The following ERBB4 variants were observed in gnomAD, a reference collection of about 807,000 sequenced individuals.
The protein encoded by ERBB4 is erb-b2 receptor tyrosine kinase 4, also known as receptor tyrosine-protein kinase erbB-4.
Under a neutral mutation model 158.0 loss-of-function variants are expected in ERBB4, and 42 were observed. That is an observed-to-expected ratio of 0.27 (90% CI 0.21 to 0.34). The LOEUF (loss-of-function observed/expected upper bound fraction) is 0.34, where lower values mean the gene tolerates loss of function less well. Ranked by LOEUF, ERBB4 falls within the 10% of genes least tolerant of loss-of-function variation. ERBB4 has a pLI of 1.00. For synonymous variants in ERBB4, 583 were observed against 558.7 expected, an observed-to-expected ratio of 1.04 and a Z score of -0.61; for missense variants, 1,333 against 1,624.1, an observed-to-expected ratio of 0.82 and a Z score of 3.08.
intron 2 of ERBB4, among the ~76,000 whole-genome samples, chr2:212,100,605 G>T (rs546954276): frequency 6.6e-6 from 1 of 152,050 alleles, no homozygotes; most frequent in African/African-American, 2.4e-5. Flanking sequence ...TAAGGTACAG[G>T]ATACAAAAAT....
At chr2:212,052,600 T>C (rs937142625) in intron 2 of ERBB4, among the ~76,000 whole-genome samples, 7 of 152,196 alleles carry the variant, frequency 4.6e-5, no homozygotes, top group African/African-American at 1.7e-4. Flanking sequence ...AGTTGTCCAA[T>C]AGAAATGATG....
chr2:211,661,430 T>C (rs968188189), intron 15 of ERBB4, among the ~76,000 whole-genome samples: 25 of 152,128 alleles, frequency 1.6e-4, no homozygotes, highest in Non-Finnish European at 2.8e-4. Flanking sequence ...GGAATACTTA[T>C]AGAAAATTAG....
chr2:211,474,908 T>G (rs1574561783), intron 20 of ERBB4, among the ~76,000 whole-genome samples: 1 of 151,802 alleles, frequency 6.6e-6, no homozygotes, highest in Non-Finnish European at 1.5e-5. Flanking sequence ...AGTAGAAACA[T>G]GGAGTGCAAA....
At chr2:211,559,866 A>C (rs1180172583) in intron 20 of ERBB4, among the ~76,000 whole-genome samples, 1 of 152,240 alleles carries the variant, frequency 6.6e-6, no homozygotes, top group Non-Finnish European at 1.5e-5. Context: ...ACAGAGAGAT[A>C]GTAAAAGTAT....
At chr2:211,641,112 T>G (rs571585392) in intron 16 of ERBB4, among the ~76,000 whole-genome samples, 2 of 152,154 alleles carry the variant, frequency 1.3e-5, no homozygotes, top group Non-Finnish European at 2.9e-5. Context: ...GTTGATTTTA[T>G]TAATAGCTTC....
intron 20 of ERBB4, among the ~76,000 whole-genome samples, chr2:211,540,906 T>C (rs2066790533): frequency 1.3e-5 from 2 of 151,970 alleles, no homozygotes; most frequent in African/African-American, 4.8e-5. Flanking sequence ...AGAGTTAACT[T>C]CCTATGGTAT....
chr2:212,468,213 G>A (rs986557511), intron 1 of ERBB4, among the ~76,000 whole-genome samples: 1 of 152,150 alleles, frequency 6.6e-6, no homozygotes, highest in East Asian at 1.9e-4. Flanking sequence ...AGGCTGAAAC[G>A]AGTTAAGGCT....
At chr2:212,104,197 T>C (rs2079160853) in intron 2 of ERBB4, among the ~76,000 whole-genome samples, 1 of 152,028 alleles carries the variant, frequency 6.6e-6, no homozygotes, top group South Asian at 2.1e-4. Flanking sequence ...ATTTGATTGA[T>C]TTCCCATTGC....
At chr2:211,868,806 ATCTC>A (rs780265191) in intron 3 of ERBB4, among the ~76,000 whole-genome samples, 106 of 152,226 alleles carry the variant, frequency 7.0e-4, no homozygotes, top group Non-Finnish European at 1.5e-3. Context: ...TTCTCACTGG[ATCTC>A]TCAATATTTT....
chr2:212,184,881 T>C (rs976123944), intron 1 of ERBB4, among the ~76,000 whole-genome samples: 1 of 152,078 alleles, frequency 6.6e-6, no homozygotes, highest in African/African-American at 2.4e-5. Context: ...GTCTCCTGGC[T>C]TCTTTGCAAG....
chr2:212,309,526 G>A (rs2086943181), intron 1 of ERBB4, among the ~76,000 whole-genome samples: 1 of 150,800 alleles, frequency 6.6e-6, no homozygotes, highest in African/African-American at 2.4e-5. Context: ...TTTATAAAAA[G>A]TATCTAGCAG....
intron 3 of ERBB4, among the ~76,000 whole-genome samples, chr2:211,815,270 T>C (rs1166912913): frequency 6.6e-6 from 1 of 152,166 alleles, no homozygotes; most frequent in Non-Finnish European, 1.5e-5. Context: ...TAGTAAATTA[T>C]AAAAACATAA....
rs556123027 is a variant in ERBB4 at position 212,078,826 on chromosome 2, T to G, written c.234+45926A>C. On this transcript the variant is annotated intron_variant, in intron 2 of 27. Coordinates refer to ENST00000342788, the MANE Select transcript of ERBB4 (RefSeq NM_005235.3). Reference sequence around the variant, plus strand: ...AGTAATTAATACTATTAATTACTAATAGTTTATAACACTAATTATTACTAG... The same window carrying G: ...AGTAATTAATACTATTAATTACTAAGAGTTTATAACACTAATTATTACTAG... Among the ~76,000 whole-genome samples the G allele has an allele frequency of 2.0e-5, 3 of 151,330 alleles. No individual in the cohort carries two copies. In the East Asian group the frequency reaches 5.8e-4, roughly 29 times the overall value.
intron 1 of ERBB4, among the ~76,000 whole-genome samples, chr2:212,437,668 T>C (rs1220229117): frequency 6.6e-6 from 1 of 152,088 alleles, no homozygotes; most frequent in Non-Finnish European, 1.5e-5. Flanking sequence ...AGGAACTCCA[T>C]AATTGGGTTA....
chr2:211,772,957 T>A (rs57818454), intron 4 of ERBB4, among the ~76,000 whole-genome samples: 1,187 of 113,552 alleles, frequency 0.01, 53 homozygotes, highest in African/African-American at 0.026. Flanking sequence ...ATATATATAT[T>A]TTTTTTTTTA....
At chr2:211,757,832 T>G (rs1453842713) in intron 4 of ERBB4, among the ~76,000 whole-genome samples, 2 of 152,154 alleles carry the variant, frequency 1.3e-5, no homozygotes, top group East Asian at 1.9e-4. Context: ...AGATCAATTA[T>G]GAGGGGACAT....
chr2:211,919,703 A>G (rs2079804680), intron 3 of ERBB4, among the ~76,000 whole-genome samples: 1 of 151,984 alleles, frequency 6.6e-6, no homozygotes, highest in Non-Finnish European at 1.5e-5. Context: ...GGCATAATAT[A>G]AAAGTGATTA....
intron 1 of ERBB4, among the ~76,000 whole-genome samples, chr2:212,255,087 G>T (rs1447225882): frequency 6.6e-6 from 1 of 152,090 alleles, no homozygotes; most frequent in South Asian, 2.1e-4. Context: ...CATCAAAGGA[G>T]GTAGAAGAGA....
intron 19 of ERBB4, among the ~76,000 whole-genome samples, chr2:211,593,048 G>A (rs751250170): frequency 1.3e-5 from 2 of 151,436 alleles, no homozygotes; most frequent in African/African-American, 2.4e-5. Context: ...GCACACTGAA[G>A]GGGCTTGCTC....
Sources: gnomAD v4.1 joint callset for allele counts (sites outside exome capture counted in the v4.1 genomes callset) on GRCh38, gnomAD v4.1.1 for gene constraint, MANE v1.5 for transcripts, NCBI Gene and HGNC (gene_info 2026-07-23, HGNC 2026-07-21) for gene names.